CYP2C8: variants seen among roughly 807,000 people sequenced by gnomAD.
CYP2C8 encodes cytochrome P450 family 2 subfamily C member 8.
CYP2C8 carries 51 observed loss-of-function variants against 41.3 expected under a neutral mutation model. The observed-to-expected ratio is 1.24, with a 90% CI of 0.99 to 1.56. CYP2C8 has a LOEUF of 1.56. Among genes scored for constraint, CYP2C8 ranks in the 40% most tolerant of loss-of-function variants. The probability of loss-of-function intolerance (pLI) is 0.00; values close to 1 mark genes in which losing one functional copy is unlikely to be tolerated. For missense variants in CYP2C8, 651 were observed against 579.9 expected (o/e 1.12, Z -1.26); for synonymous variants, 218 against 205.8 (o/e 1.06, Z -0.51).
intron 1 of CYP2C8, chr10:95,068,534 T>C (rs948737715): frequency 8.3e-5 from 98 of 1,180,488 alleles, no homozygotes; most frequent in Non-Finnish European, 1.0e-4. Context: ...CCATTCTGAA[T>C]AAAACACATG....
intron 4 of CYP2C8, among the ~76,000 whole-genome samples, chr10:95,059,839 T>A (rs913122669): frequency 6.6e-6 from 1 of 152,224 alleles, no homozygotes; most frequent in African/African-American, 2.4e-5. Flanking sequence ...AAGGAAGGGA[T>A]CCAGTTTCAG....
At position 95,062,260 on chromosome 10, in the gene CYP2C8, G is replaced by A. The variant is rs148576203; in HGVS notation, c.642+2540C>T. On this transcript the variant is annotated intron_variant, in intron 4 of 8. Transcript: ENST00000371270. ...TGGGGTGTTAAAGTCTCCCATTATT[G>A]TTGTGTGGGAGTCTAAGTCTCTTTA... is the stretch of plus-strand genomic sequence containing the variant. Among the ~76,000 whole-genome samples, 827 of 152,026 alleles carry A rather than the reference G, an allele frequency of 5.4e-3. 11 individuals carry two copies. The highest frequency in any genetic ancestry group is 0.019 in the African/African-American group (783 of 41,500).
At chr10:95,043,310 A>AT (rs1425881881) in intron 6 of CYP2C8, among the ~76,000 whole-genome samples, 1 of 152,220 alleles carries the variant, frequency 6.6e-6, no homozygotes. Context: ...ATTAGCATAT[A>AT]TGACAATACA....
chr10:95,057,429 T>C (rs1463787512), intron 5 of CYP2C8, among the ~76,000 whole-genome samples: 1 of 152,216 alleles, frequency 6.6e-6, no homozygotes, highest in Non-Finnish European at 1.5e-5. Context: ...AAAATTCCTA[T>C]GGGCTTGTTT....
Position 95,064,880 on chromosome 10 carries a change from C to G in CYP2C8, c.562G>C (p.Asp188His). The G allele has an allele frequency of 6.2e-7, 1 of 1,613,794 alleles. No individual in the cohort carries two copies. The highest frequency in any genetic ancestry group is 8.5e-7 in the Non-Finnish European group (1 of 1,179,968). The part of the protein sequence containing the change: ...ICSVVFQKRF[D>H]YKDQNFLTLM... ...GTGAGAAAATTCTGATCTTTATAAT[C>G]AAATCGTTTCTGGAAAACAACGGAG... Residue 188 changes from aspartate (D) to histidine (H), a missense_variant, in exon 4 of 9, where the codon GAT becomes CAT. Coordinates refer to ENST00000371270, the MANE Select transcript of CYP2C8 (RefSeq NM_000770.3).
chr10:95,045,852 T>A lies in CYP2C8; in HGVS notation c.919A>T (p.Arg307Ter). ...AGTETTSTTL[R>*]YGLLLLLKHP... ...TTCAGCAGGAGCAGGAGTCCATATC[T>A]CAGAGTGGTGCTTGTTGTCTCTGTT... Residue 307 changes from arginine to a stop codon, truncating the protein, a stop_gained, in exon 6 of 9, where the codon AGA becomes TGA. Transcript: ENST00000371270. LOFTEE classifies it high-confidence loss of function. 1 of 1,614,048 alleles carries A rather than the reference T, an allele frequency of 6.2e-7. No individual in the cohort carries two copies. Among genetic ancestry groups the A allele is most frequent in the Non-Finnish European group, 8.5e-7 (1 of 1,179,920 alleles).
At chr10:95,038,226 C>T (rs2032923922) in intron 8 of CYP2C8, among the ~76,000 whole-genome samples, 1 of 152,150 alleles carries the variant, frequency 6.6e-6, no homozygotes, top group African/African-American at 2.4e-5. Flanking sequence ...GCAAAATAAC[C>T]TCTTAGCTTA....
In CYP2C8 at chr10:95,058,451, T is replaced by C. The variant is rs569886323; in HGVS notation, c.703A>G (p.Lys235Glu). The change falls in exon 5 of 9, where the codon AAA (lysine) becomes GAA (glutamate). Residue 235 changes from lysine (K) to glutamate (E), a missense_variant. Coordinates refer to ENST00000371270, the MANE Select transcript of CYP2C8 (RefSeq NM_000770.3). Reference protein sequence around the residue: ...CFPGTHNKVLKNVALTRSYIR... With the variant: ...CFPGTHNKVLENVALTRSYIR... ...TAACTTCGTGTAAGAGCAACATTTTTAAGCACTTTGTTGTGAGTTCCTGGG... is the reference window on the plus strand; with the variant it reads ...TAACTTCGTGTAAGAGCAACATTTTCAAGCACTTTGTTGTGAGTTCCTGGG... The C allele has an allele frequency of 1.1e-5, 17 of 1,613,418 alleles. No homozygotes were observed. In the East Asian group the frequency reaches 3.8e-4, roughly 36 times the overall value.
intron 6 of CYP2C8, 41 bp from the exon 7 acceptor site, chr10:95,043,118 A>C (rs2033039462): frequency 4.4e-6 from 7 of 1,590,680 alleles, no homozygotes; most frequent in Non-Finnish European, 6.0e-6. Flanking sequence ...ACGAAGATAT[A>C]TGGAACATTT....
rs535038620 is a variant in CYP2C8 at position 95,056,972 on chromosome 10, G to T, written c.819+1363C>A. Among the ~76,000 whole-genome samples the T allele has an allele frequency of 4.6e-5, 7 of 152,304 alleles. No homozygotes were observed. In the East Asian group the frequency reaches 9.7e-4, roughly 21 times the overall value. On this transcript the variant is annotated intron_variant, in intron 5 of 8. Coordinates refer to ENST00000371270, the MANE Select transcript of CYP2C8 (RefSeq NM_000770.3). ...ACAGCTCTGCGAGGGCTCCTGCAGA[G>T]CAGGGCTATGATATAGGCAGAGAGT...
chr10:95,056,659 T>G (rs2033320285), intron 5 of CYP2C8, among the ~76,000 whole-genome samples: 1 of 152,188 alleles, frequency 6.6e-6, no homozygotes, highest in Admixed American at 6.5e-5. Context: ...AAAGATCACA[T>G]ATGCCATGGG....
chr10:95,062,605 C>T (rs2033462131), intron 4 of CYP2C8, among the ~76,000 whole-genome samples: 1 of 152,254 alleles, frequency 6.6e-6, no homozygotes, highest in East Asian at 1.9e-4. Context: ...GTTTCCCAGT[C>T]TGTGTCTTTT....
intron 5 of CYP2C8, among the ~76,000 whole-genome samples, chr10:95,057,099 T>C (rs1057131029): frequency 3.9e-5 from 6 of 152,096 alleles, no homozygotes; most frequent in African/African-American, 1.4e-4. Flanking sequence ...TTTTGGATCA[T>C]TGGGTGCCAT....
In CYP2C8 at chr10:95,037,065, T is replaced by C; in HGVS notation, c.*63A>G. 1.4e-6 allele frequency: 2 copies of C among 1,431,798 alleles called. No homozygotes were observed. Among genetic ancestry groups the C allele is most frequent in the East Asian group, 4.6e-5 (2 of 43,906 alleles). The allele number at this position is 1,431,798 out of a possible 1,614,324, so 88.7% of individuals were successfully genotyped here. ...GTCAGAGAAGACATAATAGTGGGAATGTCCTTGATAAAAAAAGAGTTGCAG... is the reference window on the plus strand; with the variant it reads ...GTCAGAGAAGACATAATAGTGGGAACGTCCTTGATAAAAAAAGAGTTGCAG... On this transcript the variant is annotated 3_prime_UTR_variant, in exon 9 of 9. Transcript: ENST00000371270.
In CYP2C8 at chr10:95,051,597, C is replaced by T. The variant is rs1026277348; in HGVS notation, c.820-5646G>A. Among the ~76,000 whole-genome samples the T allele has an allele frequency of 4.6e-5, 7 of 151,982 alleles. No homozygotes were observed. In the South Asian group the frequency reaches 1.5e-3, roughly 32 times the overall value. On this transcript the variant is annotated intron_variant, in intron 5 of 8. Coordinates refer to ENST00000371270, the MANE Select transcript of CYP2C8 (RefSeq NM_000770.3). ...CCCAAAGATGTCCTGAATTGTATTG[C>T]CCAGATTTTCTGCTAGGGTTTTTAT... is the stretch of plus-strand genomic sequence containing the variant.
intron 5 of CYP2C8, among the ~76,000 whole-genome samples, chr10:95,046,981 G>A (rs914411238): frequency 5.3e-5 from 8 of 152,128 alleles, no homozygotes; most frequent in East Asian, 3.9e-4. Flanking sequence ...TTGGGTCATG[G>A]GGGTAGATTT....
At chr10:95,043,980 T>C (rs2033061293) in intron 6 of CYP2C8, among the ~76,000 whole-genome samples, 1 of 152,172 alleles carries the variant, frequency 6.6e-6, no homozygotes, top group Non-Finnish European at 1.5e-5. Flanking sequence ...TTGAAACTCC[T>C]AGTAATAATT....
intron 1 of CYP2C8, chr10:95,068,583 TCA>T: frequency 7.8e-7 from 1 of 1,288,112 alleles, no homozygotes; most frequent in Non-Finnish European, 1.0e-6. Context: ...AAATTTCTAA[TCA>T]CACACACTTC....
rs201739495 is a variant in CYP2C8, at chr10:95,067,321, A to T, written c.368T>A (p.Ile123Asn). The T allele has an allele frequency of 1.5e-5, 25 of 1,613,836 alleles. No individual in the cohort carries two copies. Among genetic ancestry groups the T allele is most frequent in the Non-Finnish European group, 2.0e-5 (24 of 1,180,018 alleles). The change falls in exon 3 of 9, where the codon ATC (isoleucine) becomes AAC (asparagine). Residue 123 changes from isoleucine (I) to asparagine (N), a missense_variant. Physicochemically the swap from Ile to Asn is moderately radical, Grantham distance 149 (BLOSUM62 -3). Transcript: ENST00000371270. Reference sequence around the variant, plus strand: ...CAAGGTTGTGAGGGAGAAACGCCGGATCTCCTTCCATCTCTTTCCATTGCT... The same window carrying T: ...CAAGGTTGTGAGGGAGAAACGCCGGTTCTCCTTCCATCTCTTTCCATTGCT... Reference protein sequence around the residue: ...ISSNGKRWKEIRRFSLTTLRN... With the variant: ...ISSNGKRWKENRRFSLTTLRN...
Sources: gnomAD v4.1 joint callset for allele counts (sites outside exome capture counted in the v4.1 genomes callset) on GRCh38, gnomAD v4.1.1 for gene constraint, MANE v1.5 for transcripts, NCBI Gene and HGNC (gene_info 2026-07-23, HGNC 2026-07-21) for gene names.